The following LRRTM4 variants were observed in gnomAD, a reference collection of about 807,000 sequenced individuals.
LRRTM4 encodes the protein leucine rich repeat transmembrane neuronal 4.
LRRTM4 carries 25 observed loss-of-function variants against 47.6 expected under a neutral mutation model. The observed-to-expected ratio is 0.53, with a 90% CI of 0.38 to 0.73. The LOEUF (loss-of-function observed/expected upper bound fraction) is 0.73. LRRTM4 is among the 30% of genes least tolerant of loss of function. The probability of loss-of-function intolerance (pLI) is 0.00; values close to 1 mark genes in which losing one functional copy is unlikely to be tolerated. For missense variants in LRRTM4, 638 were observed against 713.4 expected (o/e 0.89, Z 1.20); for synonymous variants, 311 against 269.5 (o/e 1.15, Z -1.51).
chr2:77,094,237 G>A (rs1670745165), intron 3 of LRRTM4, among the ~76,000 whole-genome samples: 1 of 152,110 alleles, frequency 6.6e-6, no homozygotes, highest in Admixed American at 6.5e-5. Context: ...GGAGCTGAAA[G>A]AGCTGTACAA....
At chr2:77,083,570 G>A (rs1680600205) in intron 3 of LRRTM4, among the ~76,000 whole-genome samples, 1 of 152,012 alleles carries the variant, frequency 6.6e-6, no homozygotes, top group African/African-American at 2.4e-5. Flanking sequence ...GTCAGATACT[G>A]TGTCTGAATA....
intron 3 of LRRTM4, among the ~76,000 whole-genome samples, chr2:77,178,993 A>G (rs1000236990): frequency 6.6e-6 from 1 of 152,226 alleles, no homozygotes; most frequent in African/African-American, 2.4e-5. Context: ...TGTAGATAAT[A>G]TCTATGGATT....
chr2:76,837,583 TG>T (rs1671551339), intron 3 of LRRTM4, among the ~76,000 whole-genome samples: 1 of 152,180 alleles, frequency 6.6e-6, no homozygotes, highest in Non-Finnish European at 1.5e-5. Context: ...ATCCCATTAC[TG>T]GGTATATACC....
chr2:77,379,775 T>C (rs1016550609), intron 3 of LRRTM4, among the ~76,000 whole-genome samples: 1 of 152,172 alleles, frequency 6.6e-6, no homozygotes, highest in African/African-American at 2.4e-5. Flanking sequence ...AGAAGGCTGG[T>C]AATTATTTTT....
At chr2:76,956,788 G>A (rs533219134) in intron 3 of LRRTM4, among the ~76,000 whole-genome samples, 9 of 150,726 alleles carry the variant, frequency 6.0e-5, no homozygotes, top group Admixed American at 2.6e-4. Flanking sequence ...AAAAGAAAAA[G>A]GATTTCAAGA....
intron 3 of LRRTM4, among the ~76,000 whole-genome samples, chr2:77,457,597 A>G (rs1211377834): frequency 7.3e-6 from 1 of 136,188 alleles, no homozygotes; most frequent in East Asian, 2.6e-4. Flanking sequence ...GCCATTTACA[A>G]AAAAAAAATC....
chr2:77,366,069 A>G (rs1292957967), intron 3 of LRRTM4, among the ~76,000 whole-genome samples: 1 of 151,678 alleles, frequency 6.6e-6, no homozygotes, highest in Non-Finnish European at 1.5e-5. Flanking sequence ...AGTTAAGTCT[A>G]GCATATAAAC....
intron 3 of LRRTM4, among the ~76,000 whole-genome samples, chr2:76,830,268 C>T (rs1156922130): frequency 6.6e-6 from 1 of 151,968 alleles, no homozygotes; most frequent in African/African-American, 2.4e-5. Flanking sequence ...ACTATAAAAT[C>T]TTATCTTTAA....
intron 3 of LRRTM4, among the ~76,000 whole-genome samples, chr2:76,925,040 C>T (rs1439971742): frequency 2.0e-5 from 3 of 151,898 alleles, no homozygotes; most frequent in Non-Finnish European, 4.4e-5. Context: ...CATGGAGAGT[C>T]GATGGGCTGC....
chr2:76,897,525 A>G (rs1018015010), intron 3 of LRRTM4, among the ~76,000 whole-genome samples: 2 of 152,146 alleles, frequency 1.3e-5, no homozygotes, highest in Admixed American at 1.3e-4. Flanking sequence ...AATCTCTGGT[A>G]AACAGGCATA....
At chr2:76,787,294 G>C (rs1039462666) in intron 3 of LRRTM4, among the ~76,000 whole-genome samples, 1 of 152,074 alleles carries the variant, frequency 6.6e-6, no homozygotes, top group Non-Finnish European at 1.5e-5. Context: ...ATTTGGATTT[G>C]CATTATAAAT....
intron 3 of LRRTM4, among the ~76,000 whole-genome samples, chr2:76,839,162 C>T (rs1671602534): frequency 6.6e-6 from 1 of 152,008 alleles, no homozygotes; most frequent in Admixed American, 6.6e-5. Context: ...AATTAAGGGA[C>T]AACGTGAGAA....
chr2:77,295,245 T>C (rs72915916), intron 3 of LRRTM4, among the ~76,000 whole-genome samples: 3,317 of 152,264 alleles, frequency 0.022, 102 homozygotes, highest in African/African-American at 0.074. Flanking sequence ...CAGTACCCTC[T>C]TATATTATAT....
intron 3 of LRRTM4, among the ~76,000 whole-genome samples, chr2:76,849,315 C>T (rs1380803111): frequency 6.6e-6 from 1 of 152,026 alleles, no homozygotes; most frequent in Non-Finnish European, 1.5e-5. Flanking sequence ...GTGTGATCCT[C>T]CTCCACCTTT....
At chr2:77,226,272 G>T (rs1674802252) in intron 3 of LRRTM4, among the ~76,000 whole-genome samples, 1 of 151,588 alleles carries the variant, frequency 6.6e-6, no homozygotes, top group Non-Finnish European at 1.5e-5. Context: ...CTCCTCTCCT[G>T]CTCTGGGTAA....
At chr2:77,330,757 A>G (rs186830923) in intron 3 of LRRTM4, among the ~76,000 whole-genome samples, 23 of 152,278 alleles carry the variant, frequency 1.5e-4, no homozygotes, top group African/African-American at 5.5e-4. Context: ...TGTTGACAAA[A>G]GTATGTTCTA....
intron 3 of LRRTM4, among the ~76,000 whole-genome samples, chr2:76,831,107 C>G (rs1671338231): frequency 6.6e-6 from 1 of 151,964 alleles, no homozygotes; most frequent in Non-Finnish European, 1.5e-5. Flanking sequence ...GTAGAGATTG[C>G]CTTTCTTTAA....
intron 3 of LRRTM4, among the ~76,000 whole-genome samples, chr2:77,410,175 A>C (rs1674362870): frequency 6.6e-6 from 1 of 152,222 alleles, no homozygotes; most frequent in Non-Finnish European, 1.5e-5. Flanking sequence ...AATATAAAGA[A>C]GAGAAATCTA....
chr2:76,784,050 T>G (rs1057057793), intron 3 of LRRTM4, among the ~76,000 whole-genome samples: 3 of 152,140 alleles, frequency 2.0e-5, no homozygotes, highest in African/African-American at 7.2e-5. Flanking sequence ...TAAATAATTA[T>G]TTTTGGAAAA....
Sources: allele counts gnomAD v4.1 joint callset (sites outside exome capture counted in the v4.1 genomes callset), GRCh38; gene constraint gnomAD v4.1.1; transcripts MANE v1.5; gene names NCBI Gene and HGNC (gene_info 2026-07-23, HGNC 2026-07-21).